CLDN18: variants seen among roughly 807,000 people sequenced by gnomAD.
The protein encoded by CLDN18 is claudin-18.
In CLDN18, 20 loss-of-function variants were observed where a neutral mutation model predicts 25.0. The observed-to-expected ratio is 0.80, with a 90% CI of 0.56 to 1.16. The LOEUF is 1.16. CLDN18 is among the 50% of genes most tolerant of loss of function. The pLI, the probability that CLDN18 is intolerant of heterozygous loss-of-function variation, is 0.00. For missense variants in CLDN18, 297 were observed against 345.4 expected (o/e 0.86, Z 1.11); for synonymous variants, 125 against 135.6 (o/e 0.92, Z 0.54).
In CLDN18 at chr3:138,010,357, C is replaced by G. The variant is rs371070256; in HGVS notation, c.132C>G (p.Phe44Leu). ...DLYDNPVTSV[F>L]QYEGLWRSCV... ...ACGACAACCCCGTCACCTCCGTGTT[C>G]CAGTACGAAGGGCTCTGGAGGAGCT... The change falls in exon 1 of 5, where the codon TTC becomes TTG. Residue 44 changes from phenylalanine (F) to leucine (L), a missense_variant. Coordinates refer to ENST00000183605, the MANE Select transcript of CLDN18 (RefSeq NM_016369.4). 9.3e-5 allele frequency: 150 copies of G among 1,614,098 alleles called. No homozygotes were observed. Among genetic ancestry groups the G allele is most frequent in the Non-Finnish European group, 1.2e-4 (139 of 1,180,054 alleles).
intron 1 of CLDN18, among the ~76,000 whole-genome samples, chr3:138,000,593 A>G (rs1019156389): frequency 6.6e-6 from 1 of 152,226 alleles, no homozygotes; most frequent in Non-Finnish European, 1.5e-5. Context: ...TAATCTGGCA[A>G]GAAGATGCTA....
In CLDN18 at chr3:138,032,412, G is replaced by A. The variant is rs1423090993; in HGVS notation, c.*1271G>A. The A allele has an allele frequency of 2.0e-5, 3 of 151,742 alleles. No homozygotes were observed. Among genetic ancestry groups the A allele is most frequent in the East Asian group, 3.9e-4 (2 of 5,138 alleles). 9.4% of individuals were successfully genotyped at this position (151,742 alleles called of 1,614,324 possible). ...CTGCACTCCAGCCAGGTGACATAGC[G>A]AGATCCTGTCTAAAAAAATAAAAAA... On this transcript the variant is annotated 3_prime_UTR_variant, in exon 5 of 5. Transcript: ENST00000183605.
chr3:138,006,084 A>G (rs1942066614), upstream of CLDN18, among the ~76,000 whole-genome samples: 1 of 152,220 alleles, frequency 6.6e-6, no homozygotes, highest in Non-Finnish European at 1.5e-5. Context: ...AATTGATAAG[A>G]AGGAAGTATG....
intron 1 of CLDN18, among the ~76,000 whole-genome samples, chr3:138,015,521 T>C (rs1230752733): frequency 6.6e-6 from 1 of 152,202 alleles, no homozygotes; most frequent in African/African-American, 2.4e-5. Flanking sequence ...GAAGTAAGCC[T>C]TAAAGTGTTT....
chr3:138,023,904 CT>C (rs1313632449), intron 2 of CLDN18, 82 bp downstream of exon 2: 32 of 1,390,420 alleles, frequency 2.3e-5, no homozygotes, highest in Non-Finnish European at 3.1e-5. Context: ...CTCCTCCCTA[CT>C]GCTGAATGTG....
chr3:138,018,726 T>C lies in CLDN18; in HGVS notation c.221-4932T>C, dbSNP rs552524326. Among the ~76,000 whole-genome samples, 5 of 152,322 alleles carry C rather than the reference T, an allele frequency of 3.3e-5. No individual in the cohort carries two copies. In the South Asian group the frequency reaches 1.0e-3, roughly 32 times the overall value. ...GTAGTATTGCATTGGGGATTACGTT[T>C]CAACATATAAATTTTGGAGGGAAAC... On this transcript the variant is annotated intron_variant, in intron 1 of 4. Coordinates refer to ENST00000183605, the MANE Select transcript of CLDN18 (RefSeq NM_016369.4).
chr3:138,003,915 T>C (rs1432009404), intron 1 of CLDN18, among the ~76,000 whole-genome samples: 1 of 152,170 alleles, frequency 6.6e-6, no homozygotes, highest in Non-Finnish European at 1.5e-5. Context: ...CTCACACCTA[T>C]AATCCCAGCA....
intron 1 of CLDN18, among the ~76,000 whole-genome samples, chr3:138,011,509 G>A (rs1369677665): frequency 6.6e-6 from 1 of 152,134 alleles, no homozygotes; most frequent in African/African-American, 2.4e-5. Context: ...CAGGATGACT[G>A]ACTCCGGGGA....
At chr3:138,009,128 T>C (rs1386782869), upstream of CLDN18, among the ~76,000 whole-genome samples, 3 of 152,196 alleles carry the variant, frequency 2.0e-5, no homozygotes, top group African/African-American at 4.8e-5. Context: ...TAGAAGATAG[T>C]GTATGAGATC....
intron 1 of CLDN18, among the ~76,000 whole-genome samples, chr3:138,015,349 G>C (rs1226935064): frequency 6.6e-6 from 1 of 152,174 alleles, no homozygotes; most frequent in Non-Finnish European, 1.5e-5. Context: ...AGAAACAGCT[G>C]TGTAAAGTAT....
chr3:138,019,286 G>C (rs571474934), intron 1 of CLDN18, among the ~76,000 whole-genome samples: 1 of 152,142 alleles, frequency 6.6e-6, no homozygotes. Context: ...CCTCTGTGTC[G>C]ATTCCCTGGA....
intron 1 of CLDN18, among the ~76,000 whole-genome samples, chr3:138,003,734 T>G (rs1369668860): frequency 6.6e-6 from 1 of 152,184 alleles, no homozygotes; most frequent in Non-Finnish European, 1.5e-5. Context: ...ATAATAGAAT[T>G]TATTAAGACC....
intron 1 of CLDN18, among the ~76,000 whole-genome samples, chr3:138,013,655 A>G (rs1942167692): frequency 6.6e-6 from 1 of 152,236 alleles, no homozygotes; most frequent in Non-Finnish European, 1.5e-5. Flanking sequence ...TACTGTCTCT[A>G]CCACAGGGAG....
At chr3:138,013,474 C>T (rs1036963049) in intron 1 of CLDN18, among the ~76,000 whole-genome samples, 14 of 152,364 alleles carry the variant, frequency 9.2e-5, no homozygotes, top group African/African-American at 2.9e-4. Flanking sequence ...CTTGTAGCTA[C>T]ACTCTTCAAA....
chr3:138,029,792 C>T lies in CLDN18; in HGVS notation c.504-5C>T. The T allele has an allele frequency of 6.5e-7, 1 of 1,538,384 alleles. No individual in the cohort carries two copies. The highest frequency in any genetic ancestry group is 1.7e-4 in the Middle Eastern group (1 of 5,836). ...CATATTGACAGCCACCATCTCCCTA[C>T]CCAGGTACACATTTGGTGCGGCTCT... On this transcript the variant is annotated splice_polypyrimidine_tract_variant and splice_region_variant and intron_variant, in intron 3 of 4. Transcript: ENST00000183605.
chr3:138,020,213 A>G (rs193080971), intron 1 of CLDN18, among the ~76,000 whole-genome samples: 38 of 152,268 alleles, frequency 2.5e-4, no homozygotes, highest in Non-Finnish European at 4.4e-5. Context: ...AGTGGAGCCA[A>G]TTTCCTCCCA....
intron 3 of CLDN18, among the ~76,000 whole-genome samples, chr3:138,026,936 G>A (rs1249942072): frequency 1.3e-5 from 2 of 152,176 alleles, no homozygotes; most frequent in Admixed American, 6.5e-5. Flanking sequence ...AGTCCCTGGG[G>A]GCAGAGTGGC....
intron 1 of CLDN18, among the ~76,000 whole-genome samples, chr3:138,013,329 A>G (rs1227585372): frequency 6.6e-6 from 1 of 152,224 alleles, no homozygotes; most frequent in Non-Finnish European, 1.5e-5. Flanking sequence ...TGCAGAGACT[A>G]GAGTTCAGGA....
intron 1 of CLDN18, among the ~76,000 whole-genome samples, chr3:138,019,266 G>A (rs911933541): frequency 4.6e-5 from 7 of 152,164 alleles, no homozygotes; most frequent in Admixed American, 1.3e-4. Context: ...ATTTTACAAG[G>A]TACAAACGAC....
Sources: allele counts gnomAD v4.1 joint callset (sites outside exome capture counted in the v4.1 genomes callset), GRCh38; gene constraint gnomAD v4.1.1; transcripts MANE v1.5; gene names NCBI Gene and HGNC (gene_info 2026-07-23, HGNC 2026-07-21).